Variants in KLHL1 observed in about 807,000 individuals in gnomAD.
The protein encoded by KLHL1 is kelch-like protein 1.
A neutral mutation model predicts 77.7 loss-of-function variants in KLHL1; 47 were observed. The ratio of observed to expected loss-of-function variants is 0.60; its 90% CI spans 0.48 to 0.77. The LOEUF (loss-of-function observed/expected upper bound fraction) is 0.77. Ranked by LOEUF, KLHL1 falls within the 30% of genes least tolerant of loss-of-function variation. The pLI is 0.00. For missense variants in KLHL1, 925 were observed against 910.8 expected (o/e 1.02, Z -0.20); for synonymous variants, 360 against 325.2 (o/e 1.11, Z -1.15).
Position 70,107,876 on chromosome 13 carries a change from G to A in KLHL1, c.-177C>T, listed in dbSNP as rs1888114758. On this transcript the variant is annotated 5_prime_UTR_variant, in exon 1 of 11. Coordinates refer to ENST00000377844, the MANE Select transcript of KLHL1 (RefSeq NM_020866.3). ...TCTGCCAGGCGAAGGCTGGAGCGCA[G>A]ACGGCAAAGCCGCGCGTTTCAGCCG... The A allele has an allele frequency of 1.8e-6, 1 of 558,006 alleles. No individual in the cohort carries two copies. Among genetic ancestry groups the A allele is most frequent in the Non-Finnish European group, 3.1e-6 (1 of 326,932 alleles). 34.6% of individuals were successfully genotyped at this position (558,006 alleles called of 1,614,324 possible).
chr13:69,938,083 A>G (rs1386440262), intron 4 of KLHL1, among the ~76,000 whole-genome samples: 1 of 152,168 alleles, frequency 6.6e-6, no homozygotes, highest in Non-Finnish European at 1.5e-5. Flanking sequence ...TGGGTAGATT[A>G]GATGAGAACA....
chr13:70,066,437 T>C (rs1887006852), intron 1 of KLHL1, among the ~76,000 whole-genome samples: 1 of 152,116 alleles, frequency 6.6e-6, no homozygotes, highest in African/African-American at 2.4e-5. Context: ...AAAATGGAGA[T>C]AGAATAAAAA....
chr13:70,065,506 C>A (rs1886986562), intron 1 of KLHL1, among the ~76,000 whole-genome samples: 1 of 152,156 alleles, frequency 6.6e-6, no homozygotes, highest in African/African-American at 2.4e-5. Context: ...CCTATTCTTA[C>A]TACAATCAGT....
intron 7 of KLHL1, among the ~76,000 whole-genome samples, chr13:69,790,050 G>GTGTT (rs1340039908): frequency 2.0e-5 from 3 of 150,898 alleles, no homozygotes; most frequent in East Asian, 3.9e-4. Context: ...GCTTCTCTTG[G>GTGTT]TGTTAGCCAC....
At chr13:69,979,450 GATA>G (rs1240962096) in intron 1 of KLHL1, among the ~76,000 whole-genome samples, 1 of 151,908 alleles carries the variant, frequency 6.6e-6, no homozygotes, top group Admixed American at 6.6e-5. Context: ...TAATTTTTAA[GATA>G]ATATTTATTA....
intron 1 of KLHL1, among the ~76,000 whole-genome samples, chr13:69,994,802 T>C (rs988578584): frequency 2.6e-5 from 4 of 152,056 alleles, no homozygotes; most frequent in Non-Finnish European, 4.4e-5. Flanking sequence ...AGGAATACTG[T>C]AGAGGAAAAA....
At chr13:69,797,399 A>G (rs1345915472) in intron 6 of KLHL1, among the ~76,000 whole-genome samples, 1 of 152,232 alleles carries the variant, frequency 6.6e-6, no homozygotes, top group Admixed American at 6.5e-5. Flanking sequence ...TCAATAAAAT[A>G]TTACCATGTT....
At position 69,818,219 on chromosome 13, in the gene KLHL1, C is replaced by CTTTTTTTTTTTTTTTTTTTTTTTT. The variant is rs1316398623; in HGVS notation, c.1414+20756_1414+20757insAAAAAAAAAAAAAAAAAAAAAAAA. On this transcript the variant is annotated intron_variant, in intron 6 of 10. Coordinates refer to ENST00000377844, the MANE Select transcript of KLHL1 (RefSeq NM_020866.3). The stretch of plus-strand genomic sequence containing the variant: ...AGAATTTAACTTAACTCATAGGCAT[C>CTTTTTTTTTTTTTTTTTTTTTTTT]TTTTTTTTTTTTTTTTTTTTGAGAC... Among the ~76,000 whole-genome samples, 70 of 112,880 alleles carry CTTTTTTTTTTTTTTTTTTTTTTTT rather than the reference C, an allele frequency of 6.2e-4. 8 individuals carry two copies. Among genetic ancestry groups the CTTTTTTTTTTTTTTTTTTTTTTTT allele is most frequent in the African/African-American group, 2.2e-3 (56 of 25,108 alleles). The allele number at this position is 112,880 out of a possible 152,430, so 74.1% of individuals were successfully genotyped here.
intron 3 of KLHL1, among the ~76,000 whole-genome samples, chr13:69,944,795 A>G (rs545115502): frequency 6.6e-6 from 1 of 152,266 alleles, no homozygotes; most frequent in African/African-American, 2.4e-5. Flanking sequence ...TAAGAGCACT[A>G]CCTGATTTTA....
chr13:69,977,684 A>C (rs1593643770), intron 1 of KLHL1, among the ~76,000 whole-genome samples: 1 of 152,136 alleles, frequency 6.6e-6, no homozygotes, highest in East Asian at 1.9e-4. Context: ...AGAAACACCT[A>C]ATACACTGAT....
At chr13:69,920,127 T>C (rs1374225742) in intron 4 of KLHL1, among the ~76,000 whole-genome samples, 1 of 152,044 alleles carries the variant, frequency 6.6e-6, no homozygotes, top group Non-Finnish European at 1.5e-5. Flanking sequence ...GACTCAAATA[T>C]AGATAAAATT....
At chr13:69,771,157 T>C (rs1875544930) in intron 7 of KLHL1, among the ~76,000 whole-genome samples, 1 of 152,056 alleles carries the variant, frequency 6.6e-6, no homozygotes, top group Non-Finnish European at 1.5e-5. Flanking sequence ...AACTAATCAC[T>C]GCTATCTTCA....
intron 4 of KLHL1, among the ~76,000 whole-genome samples, chr13:69,903,744 C>G (rs888804172): frequency 7.4e-6 from 1 of 135,494 alleles, no homozygotes; most frequent in East Asian, 2.5e-4. Flanking sequence ...TGGGTTCAAG[C>G]GATTCTCCTG....
intron 2 of KLHL1, 118 bp from the exon 3 acceptor site, chr13:69,961,562 T>C: frequency 9.4e-7 from 1 of 1,059,816 alleles, no homozygotes; most frequent in East Asian, 2.6e-5. Context: ...TAATGCATTT[T>C]ATTTATTGCC....
intron 1 of KLHL1, among the ~76,000 whole-genome samples, chr13:70,094,535 ATTC>A (rs1887744412): frequency 6.6e-6 from 1 of 151,964 alleles, no homozygotes; most frequent in African/African-American, 2.4e-5. Context: ...AAAAATTCCT[ATTC>A]TTTCAAGTTG....
rs189360278 is a variant in KLHL1, at chr13:70,068,600, A to G, written c.497+38603T>C. On this transcript the variant is annotated intron_variant, in intron 1 of 10. Coordinates refer to ENST00000377844, the MANE Select transcript of KLHL1 (RefSeq NM_020866.3). ...TTTATACAGTGGGTATGCACATGCT[A>G]CAGTGTGTAAAAATGTGCCTATTTT... Among the ~76,000 whole-genome samples, 158 of 152,316 alleles carry G rather than the reference A, an allele frequency of 1.0e-3. 1 individual carries two copies. Among genetic ancestry groups the G allele is most frequent in the Non-Finnish European group, 2.0e-3 (133 of 68,028 alleles).
At chr13:70,063,721 TA>T (rs77136217) in intron 1 of KLHL1, among the ~76,000 whole-genome samples, 1 of 152,194 alleles carries the variant, frequency 6.6e-6, no homozygotes, top group East Asian at 1.9e-4. Flanking sequence ...AATATTTTTT[TA>T]AAAAATGCAT....
At chr13:69,991,879 A>C (rs1410759406) in intron 1 of KLHL1, among the ~76,000 whole-genome samples, 2 of 152,096 alleles carry the variant, frequency 1.3e-5, no homozygotes, top group African/African-American at 4.8e-5. Context: ...CATTTTATAT[A>C]TGAATTATTT....
chr13:69,954,558 AC>A (rs1883809360), intron 3 of KLHL1, among the ~76,000 whole-genome samples: 1 of 151,230 alleles, frequency 6.6e-6, no homozygotes, highest in African/African-American at 2.4e-5. Flanking sequence ...TTACTTCAAA[AC>A]CCAGAAAATA....
Sources: gnomAD v4.1 joint callset for allele counts (sites outside exome capture counted in the v4.1 genomes callset) on GRCh38, gnomAD v4.1.1 for gene constraint, MANE v1.5 for transcripts, NCBI Gene and HGNC (gene_info 2026-07-23, HGNC 2026-07-21) for gene names.